The following SNX18 variants were observed in gnomAD, a reference collection of about 807,000 sequenced individuals.
The protein encoded by SNX18 is sorting nexin-18.
SNX18 carries 35 observed loss-of-function variants against 48.7 expected under a neutral mutation model. The observed-to-expected ratio is 0.72, with a 90% CI of 0.55 to 0.95. The LOEUF (loss-of-function observed/expected upper bound fraction) is 0.95, where lower values mean the gene tolerates loss of function less well. Among genes scored for constraint, SNX18 ranks in the 40% least tolerant of loss-of-function variants. The pLI, the probability that SNX18 is intolerant of heterozygous loss-of-function variation, is 0.00. For synonymous variants in SNX18, 492 were observed against 384.7 expected (o/e 1.28, Z -3.26); for missense variants, 824 against 871.0 (o/e 0.95, Z 0.68).
At chr5:54,587,246 G>T in the SNX18 span, among the ~76,000 whole-genome samples, 1 of 152,108 alleles carries the variant, frequency 6.6e-6, no homozygotes, top group South Asian at 2.1e-4. Context: ...AAAAAAGAAG[G>T]GAATTGTCCT....
chr5:54,572,774 A>ATATT, the SNX18 span, among the ~76,000 whole-genome samples: 3 of 38,440 alleles, frequency 7.8e-5, no homozygotes, highest in Non-Finnish European at 1.4e-4. Flanking sequence ...ATATATATAT[A>ATATT]TTTTTTTTTT....
intron 1 of SNX18, chr5:54,519,860 G>A (rs1407316467): frequency 6.5e-7 from 1 of 1,548,760 alleles, no homozygotes; most frequent in African/African-American, 1.4e-5. Flanking sequence ...GTTGAGTAAT[G>A]AGCTGCTCAA....
chr5:54,563,783 T>G, the SNX18 span, among the ~76,000 whole-genome samples: 1 of 152,176 alleles, frequency 6.6e-6, no homozygotes, highest in African/African-American at 2.4e-5. Flanking sequence ...GATCTGATTC[T>G]TTACATTTCC....
the SNX18 span, among the ~76,000 whole-genome samples, chr5:54,603,176 T>A: frequency 1.3e-5 from 2 of 151,504 alleles, no homozygotes; most frequent in African/African-American, 4.8e-5. Context: ...ATTATTATTA[T>A]ATGGCATGAA....
downstream of SNX18, among the ~76,000 whole-genome samples, chr5:54,546,970 A>G (rs2910817): frequency 0.65 from 99,635 of 152,196 alleles, 32,812 homozygotes; most frequent in African/African-American, 0.72. Context: ...AAAATATAAT[A>G]GCTACGGGAC....
At chr5:54,588,603 A>C in the SNX18 span, among the ~76,000 whole-genome samples, 1 of 152,066 alleles carries the variant, frequency 6.6e-6, no homozygotes, top group East Asian at 1.9e-4. Flanking sequence ...CTGGGATTAC[A>C]GGCGTGAGCC....
the SNX18 span, among the ~76,000 whole-genome samples, chr5:54,641,160 C>T: frequency 6.6e-6 from 1 of 152,068 alleles, no homozygotes; most frequent in Non-Finnish European, 1.5e-5. Flanking sequence ...CCCAGGGGTT[C>T]GATACCACCT....
the SNX18 span, among the ~76,000 whole-genome samples, chr5:54,567,941 A>G: frequency 5.9e-5 from 9 of 152,322 alleles, no homozygotes; most frequent in African/African-American, 1.9e-4. Context: ...GCTGAAAGGG[A>G]AAGCATTGGT....
chr5:54,586,391 T>C, the SNX18 span, among the ~76,000 whole-genome samples: 1 of 152,122 alleles, frequency 6.6e-6, no homozygotes, highest in Non-Finnish European at 1.5e-5. Flanking sequence ...GGGGGCTATA[T>C]TAGTCCATTT....
At chr5:54,590,443 C>A in the SNX18 span, among the ~76,000 whole-genome samples, 1 of 152,244 alleles carries the variant, frequency 6.6e-6, no homozygotes, top group East Asian at 1.9e-4. Context: ...TTATTGGTTT[C>A]TTTTGAGCAG....
At chr5:54,561,260 C>T in the SNX18 span, among the ~76,000 whole-genome samples, 1 of 151,942 alleles carries the variant, frequency 6.6e-6, no homozygotes, top group South Asian at 2.1e-4. Flanking sequence ...AGGCTGGTCT[C>T]GAACTCCTGA....
chr5:54,585,071 C>T, the SNX18 span, among the ~76,000 whole-genome samples: 1 of 152,064 alleles, frequency 6.6e-6, no homozygotes, highest in South Asian at 2.1e-4. Context: ...GCAGGAGGAT[C>T]ATTTGAGTCC....
chr5:54,575,244 C>T, the SNX18 span, among the ~76,000 whole-genome samples: 7 of 151,942 alleles, frequency 4.6e-5, no homozygotes, highest in African/African-American at 1.7e-4. Context: ...GCCCAAGGAG[C>T]CCCAGCGTTT....
At chr5:54,530,017 G>T (rs1446586853) in intron 1 of SNX18, among the ~76,000 whole-genome samples, 3 of 152,168 alleles carry the variant, frequency 2.0e-5, no homozygotes, top group Non-Finnish European at 4.4e-5. Flanking sequence ...TCCCTTCAGA[G>T]GCTCTAGGAG....
the SNX18 span, among the ~76,000 whole-genome samples, chr5:54,552,865 A>C: frequency 2.6e-5 from 4 of 151,618 alleles, no homozygotes; most frequent in Non-Finnish European, 5.9e-5. Flanking sequence ...GGGAGGAGGG[A>C]GGGAGTATGA....
chr5:54,596,591 G>A, the SNX18 span, among the ~76,000 whole-genome samples: 1 of 152,122 alleles, frequency 6.6e-6, no homozygotes, highest in Non-Finnish European at 1.5e-5. Flanking sequence ...AGCAGCAGAG[G>A]CCATCTGTAG....
downstream of SNX18, among the ~76,000 whole-genome samples, chr5:54,548,414 T>C (rs1482977383): frequency 6.6e-6 from 1 of 152,216 alleles, no homozygotes; most frequent in Non-Finnish European, 1.5e-5. Context: ...CTCCAGGAAA[T>C]GGCTCTCAGG....
chr5:54,545,151 A>G lies in SNX18; in HGVS notation c.*1719A>G, dbSNP rs1762554998. On this transcript the variant is annotated 3_prime_UTR_variant, in exon 2 of 2. Transcript: ENST00000381410. ...TAGGTTACTTAGAGCCAGATTTAAC[A>G]TCATGAACATTATGTGGCTTTGTCT... The G allele has an allele frequency of 6.6e-6, 1 of 152,208 alleles. No individual in the cohort carries two copies. The highest frequency in any genetic ancestry group is 1.5e-5 in the Non-Finnish European group (1 of 68,022). 9.4% of individuals were successfully genotyped at this position (152,208 alleles called of 1,614,324 possible).
chr5:54,642,425 A>C, the SNX18 span, among the ~76,000 whole-genome samples: 1 of 151,614 alleles, frequency 6.6e-6, no homozygotes, highest in East Asian at 1.9e-4. Flanking sequence ...CCCCACTGTC[A>C]AAGGCTCATT....
Sources: gnomAD v4.1 joint callset for allele counts (sites outside exome capture counted in the v4.1 genomes callset) on GRCh38, gnomAD v4.1.1 for gene constraint, MANE v1.5 for transcripts, NCBI Gene and HGNC (gene_info 2026-07-23, HGNC 2026-07-21) for gene names.